Variants in TET3 observed in about 807,000 individuals in gnomAD.
The protein encoded by TET3 is methylcytosine dioxygenase TET3.
Under a neutral mutation model 141.4 loss-of-function variants are expected in TET3, and 19 were observed. The ratio of observed to expected loss-of-function variants is 0.13; its 90% confidence interval spans 0.09 to 0.20. The LOEUF (loss-of-function observed/expected upper bound fraction) is 0.20, where lower values mean the gene tolerates loss of function less well. TET3 is among the 10% of genes least tolerant of loss of function. TET3 has a pLI of 1.00. For missense variants in TET3, 1,874 were observed against 2,356.9 expected (o/e 0.80, Z 4.24); for synonymous variants, 1,043 against 980.9 (o/e 1.06, Z -1.18).
intron 3 of TET3, among the ~76,000 whole-genome samples, chr2:74,042,270 TA>T (rs1418818425): frequency 6.6e-6 from 1 of 152,338 alleles, no homozygotes; most frequent in South Asian, 2.1e-4. Context: ...GGTTGGCAGG[TA>T]ACACAAGTGA....
At chr2:74,028,415 T>C (rs955841925) in intron 3 of TET3, among the ~76,000 whole-genome samples, 5 of 152,184 alleles carry the variant, frequency 3.3e-5, no homozygotes, top group African/African-American at 9.6e-5. Context: ...ATAATAAATA[T>C]TTATGTCTGT....
At chr2:73,992,710 AAG>A (rs942657206) in intron 2 of TET3, among the ~76,000 whole-genome samples, 6 of 152,198 alleles carry the variant, frequency 3.9e-5, no homozygotes, top group Admixed American at 6.5e-5. Flanking sequence ...TGATGATTGA[AAG>A]AGGGCCAAAA....
chr2:74,009,178 G>T (rs984175648), intron 3 of TET3, among the ~76,000 whole-genome samples: 2 of 152,196 alleles, frequency 1.3e-5, no homozygotes, highest in East Asian at 3.8e-4. Context: ...AGAAGGAGCC[G>T]TTTCCTGCCA....
In TET3 at chr2:74,046,240, T is replaced by G; in HGVS notation, c.361-38T>G. On this transcript the variant is annotated intron_variant, in intron 3 of 11. Transcript: ENST00000409262. This position sits in a 1 kb window ranked among gnomAD's most constrained non-coding sequence, Gnocchi z 4.3. ...GGAAATGCTTTTCAAATAGTGTGGT[T>G]CATTTTTTTCCTTTTTCCCCCTTCT... The G allele has an allele frequency of 6.8e-7, 1 of 1,466,816 alleles. No individual in the cohort carries two copies. Among genetic ancestry groups the G allele is most frequent in the Non-Finnish European group, 9.0e-7 (1 of 1,110,356 alleles). 90.9% of individuals were successfully genotyped at this position (1,466,816 alleles called of 1,614,324 possible). A position where few individuals can be genotyped will look rare whatever the true frequency, so the allele number is the denominator to read the frequency against.
At chr2:73,992,933 A>T (rs1232359672) in intron 2 of TET3, among the ~76,000 whole-genome samples, 1 of 152,188 alleles carries the variant, frequency 6.6e-6, no homozygotes, top group East Asian at 1.9e-4. Context: ...TCTGTAAATA[A>T]ATGATGGCAT....
intron 3 of TET3, among the ~76,000 whole-genome samples, chr2:74,027,586 CA>C (rs1255975318): frequency 5.3e-5 from 8 of 152,168 alleles, no homozygotes. Context: ...TGGATTTACC[CA>C]ATCCATGCAT....
the TET3 span, chr2:74,120,939 G>A: frequency 6.6e-6 from 1 of 152,022 alleles, no homozygotes; most frequent in African/African-American, 2.4e-5. Flanking sequence ...TCAGATCACC[G>A]TGGAGTTACA....
At chr2:74,100,247 G>T in intron 11 of TET3, 146 bp from the exon 12 acceptor site, 1 of 864,136 alleles carries the variant, frequency 1.2e-6, no homozygotes. Context: ...TTCTGGGCTG[G>T]ACATGCCTCA....
intron 3 of TET3, among the ~76,000 whole-genome samples, chr2:74,028,019 C>T (rs1306167141): frequency 6.6e-6 from 1 of 151,632 alleles, no homozygotes; most frequent in Non-Finnish European, 1.5e-5. Flanking sequence ...GGGTCTTACT[C>T]TGTCATCTGG....
intron 2 of TET3, among the ~76,000 whole-genome samples, chr2:73,999,162 C>G (rs1251281270): frequency 1.3e-5 from 2 of 152,178 alleles, no homozygotes; most frequent in African/African-American, 2.4e-5. Context: ...TCTCCCTCTA[C>G]CCTCTACCAG....
At chr2:73,985,792 G>C (rs1353319879) in intron 1 of TET3, among the ~76,000 whole-genome samples, 188 bp from the exon 2 acceptor site, 1 of 151,438 alleles carries the variant, frequency 6.6e-6, no homozygotes, top group Non-Finnish European at 1.5e-5. Flanking sequence ...CAGCCCTCAG[G>C]CCCGAGGCCG....
chr2:74,040,636 G>A (rs540463649), intron 3 of TET3, among the ~76,000 whole-genome samples: 1 of 152,292 alleles, frequency 6.6e-6, no homozygotes, highest in Admixed American at 6.5e-5. Flanking sequence ...TTTAGACCAG[G>A]CATGGGGGCT....
At chr2:74,098,578 T>G (rs11903339) in intron 10 of TET3, among the ~76,000 whole-genome samples, 8,246 of 151,072 alleles carry the variant, frequency 0.055, 456 homozygotes, top group African/African-American at 0.14. Context: ...ACATAGAGTT[T>G]ATAATAAAAA....
rs1691387640 is a variant in TET3, at chr2:74,104,293, T to C, written c.*2117T>C. On this transcript the variant is annotated 3_prime_UTR_variant, in exon 12 of 12. Coordinates refer to ENST00000409262, the MANE Select transcript of TET3 (RefSeq NM_001287491.2). The stretch of plus-strand genomic sequence containing the variant: ...AAATGAAATATTATTGCTTTTGAAA[T>C]AAATACCCAAGAGCTTATCAGGACT... The C allele has an allele frequency of 6.6e-6, 1 of 152,222 alleles. No individual in the cohort carries two copies. Among genetic ancestry groups the C allele is most frequent in the Non-Finnish European group, 1.5e-5 (1 of 68,036 alleles). The allele number at this position is 152,222 out of a possible 1,614,324, so 9.4% of individuals were successfully genotyped here. A position where few individuals can be genotyped will look rare whatever the true frequency, so the allele number is the denominator to read the frequency against.
chr2:74,113,311 G>A, the TET3 span, among the ~76,000 whole-genome samples: 5 of 152,092 alleles, frequency 3.3e-5, no homozygotes, highest in East Asian at 3.9e-4. Flanking sequence ...ACTTGAACCC[G>A]GGACGTGGAG....
At position 74,097,195 on chromosome 2, in the gene TET3, GCACACACACACA is replaced by G. The variant is rs146612512; in HGVS notation, c.3268-2056_3268-2045del. ...TTTGTAGTTTTATATAGCCATACATGCACACACACACACACACACACACACACACACACACAT... is the reference window on the plus strand; with the variant it reads ...TTTGTAGTTTTATATAGCCATACATGCACACACACACACACACACACACAT... On this transcript the variant is annotated intron_variant, in intron 10 of 11. Coordinates refer to ENST00000409262, the MANE Select transcript of TET3 (RefSeq NM_001287491.2). 7.0e-3 allele frequency among the ~76,000 whole-genome samples: 966 copies of G among 138,022 alleles called. 5 individuals are homozygous for G. The highest frequency in any genetic ancestry group is 0.018 in the Middle Eastern group (5 of 282). 90.5% of individuals were successfully genotyped at this position (138,022 alleles called of 152,430 possible).
At chr2:74,035,798 G>A (rs1687019376) in intron 3 of TET3, among the ~76,000 whole-genome samples, 1 of 151,648 alleles carries the variant, frequency 6.6e-6, no homozygotes, top group African/African-American at 2.4e-5. Context: ...GATCCCTTGA[G>A]GCCAGGAGTT....
Position 74,099,459 on chromosome 2 carries a change from C to T in TET3, c.3451C>T (p.Arg1151Cys), listed in dbSNP as rs1044198649. The T allele has an allele frequency of 2.0e-5, 33 of 1,613,664 alleles. No individual in the cohort carries two copies. In the East Asian group the frequency reaches 2.2e-4, roughly 11 times the overall value. Residue 1151 changes from arginine (R) to cysteine (C), a missense_variant, in exon 11 of 12, where the codon CGC becomes TGC. Physicochemically the swap from Arg to Cys is radical, Grantham distance 180 (BLOSUM62 -3). This residue lies in a region of TET3 where 53 missense variants were observed against 112.8 expected (regional missense o/e 0.47). Coordinates refer to ENST00000409262, the MANE Select transcript of TET3 (RefSeq NM_001287491.2). ...CACCGCCTTCCCCCGCGAGGTCCGA[C>T]GCCTGCCCGAGCCTGCCAAGTCCTG... is the stretch of plus-strand genomic sequence containing the variant. The part of the protein sequence containing the change: ...VLTAFPREVR[R>C]LPEPAKSCRQ...
intron 7 of TET3, 61 bp from the exon 8 acceptor site, chr2:74,089,836 G>T: frequency 6.3e-7 from 1 of 1,587,474 alleles, no homozygotes; most frequent in Non-Finnish European, 8.6e-7. Context: ...TGAGGGAGGA[G>T]GAATACTCCA....
Sources: gnomAD v4.1 joint callset for allele counts (sites outside exome capture counted in the v4.1 genomes callset) on GRCh38, gnomAD v4.1.1 for gene constraint, gnomAD v4.1.1 regional missense constraint, Gnocchi (gnomAD v3.1) non-coding constraint, MANE v1.5 for transcripts, NCBI Gene and HGNC (gene_info 2026-07-23, HGNC 2026-07-21) for gene names.